The following MYOM1 variants were observed in gnomAD, a reference collection of about 807,000 sequenced individuals.
The protein encoded by MYOM1 is myomesin-1.
Under a neutral mutation model 205.3 loss-of-function variants are expected in MYOM1, and 164 were observed. The ratio of observed to expected loss-of-function variants is 0.80; its 90% CI spans 0.70 to 0.91. The LOEUF (loss-of-function observed/expected upper bound fraction) is 0.91. Ranked by LOEUF, MYOM1 falls within the 40% of genes least tolerant of loss-of-function variation. MYOM1 has a pLI of 0.00. For missense variants in MYOM1, 2,011 were observed against 2,127.3 expected (o/e 0.95, Z 1.08); for synonymous variants, 772 against 789.4 (o/e 0.98, Z 0.37).
rs367826664 is a variant in MYOM1 at position 3,206,875 on chromosome 18, G to A, written c.290+8059C>T. On this transcript the variant is annotated intron_variant, in intron 2 of 37. Coordinates refer to ENST00000356443, the MANE Select transcript of MYOM1 (RefSeq NM_003803.4). The stretch of plus-strand genomic sequence containing the variant: ...TCCTTGAAATTTACTGACAGGTAGC[G>A]TCATAATAAATATTATGATGTCAAA... 1.1e-4 allele frequency among the ~76,000 whole-genome samples: 16 copies of A among 152,174 alleles called. No homozygotes were observed. In the East Asian group the frequency reaches 1.5e-3, roughly 15 times the overall value.
chr18:3,195,063 T>C (rs1421931457), intron 2 of MYOM1, among the ~76,000 whole-genome samples: 2 of 152,148 alleles, frequency 1.3e-5, no homozygotes, highest in African/African-American at 4.8e-5. Flanking sequence ...CATTTCCTAA[T>C]CTTGGAAAAT....
intron 5 of MYOM1, among the ~76,000 whole-genome samples, chr18:3,187,015 C>T (rs2080826935): frequency 6.6e-6 from 1 of 152,030 alleles, no homozygotes; most frequent in African/African-American, 2.4e-5. Flanking sequence ...AAGAAAGGCA[C>T]ATTGAGGCCT....
chr18:3,123,455 C>T (rs946550316), intron 19 of MYOM1, among the ~76,000 whole-genome samples: 2 of 151,782 alleles, frequency 1.3e-5, no homozygotes, highest in Non-Finnish European at 1.5e-5. Flanking sequence ...TGTAGAGAAT[C>T]GTAAAACTTT....
chr18:3,183,942 A>G lies in MYOM1; in HGVS notation c.929+3538T>C, dbSNP rs372281371. Among the ~76,000 whole-genome samples the G allele has an allele frequency of 3.4e-5, 5 of 148,830 alleles. 1 individual carries two copies. Among genetic ancestry groups the G allele is most frequent in the African/African-American group, 1.2e-4 (5 of 40,022 alleles). ...TTTTTTTGAGACAGGGTCACACTCT[A>G]TTGCTCAGGCTGGAGTGCAGTAGTG... On this transcript the variant is annotated intron_variant, in intron 5 of 37. Transcript: ENST00000356443.
At chr18:3,094,078 G>T (rs919909676) in intron 26 of MYOM1, 92 bp downstream of exon 26, 2 of 1,327,252 alleles carry the variant, frequency 1.5e-6, no homozygotes, top group African/African-American at 1.5e-5. Context: ...ACCACCCAGC[G>T]GTTTTTATAA....
At chr18:3,139,411 C>T (rs973113854) in intron 14 of MYOM1, among the ~76,000 whole-genome samples, 1 of 152,136 alleles carries the variant, frequency 6.6e-6, no homozygotes, top group Non-Finnish European at 1.5e-5. Context: ...TTATCTGAGT[C>T]CCTTGCTATA....
In MYOM1 at chr18:3,151,682, A is replaced by C. The variant is rs2080223909; in HGVS notation, c.1843+12T>G. On this transcript the variant is annotated intron_variant, in intron 12 of 37. Transcript: ENST00000356443. The stretch of plus-strand genomic sequence containing the variant: ...GGTTTAGGGAAGGTCCTGAAAAATG[A>C]AAAGTGCTTACTTTTAAGTCTAGCT... 1 of 1,605,388 alleles carries C rather than the reference A, an allele frequency of 6.2e-7. No homozygotes were observed.
At chr18:3,145,241 C>T (rs773549085) in intron 13 of MYOM1, among the ~76,000 whole-genome samples, 2 of 150,698 alleles carry the variant, frequency 1.3e-5, no homozygotes, top group African/African-American at 4.9e-5. Flanking sequence ...ACCTGGGAGA[C>T]GGAGGTTGCA....
chr18:3,173,518 G>A (rs926555173), intron 8 of MYOM1, among the ~76,000 whole-genome samples: 3 of 151,682 alleles, frequency 2.0e-5, no homozygotes, highest in Admixed American at 2.0e-4. Flanking sequence ...TCAAGGAAGT[G>A]ATGCCCATCT....
intron 1 of MYOM1, among the ~76,000 whole-genome samples, chr18:3,215,549 G>T (rs900087531): frequency 5.3e-5 from 8 of 152,188 alleles, no homozygotes; most frequent in African/African-American, 1.4e-4. Context: ...GCTGCAGGGA[G>T]CTATGATTGA....
At chr18:3,195,413 C>G (rs2080981671) in intron 2 of MYOM1, among the ~76,000 whole-genome samples, 1 of 152,216 alleles carries the variant, frequency 6.6e-6, no homozygotes, top group Non-Finnish European at 1.5e-5. Context: ...TCCTGGGCAG[C>G]AGCAAAACGA....
chr18:3,086,694 TC>T (rs1465845837), intron 29 of MYOM1, among the ~76,000 whole-genome samples: 2 of 152,210 alleles, frequency 1.3e-5, no homozygotes, highest in African/African-American at 4.8e-5. Context: ...AATCTTCTCA[TC>T]ATATCATCTA....
chr18:3,238,906 A>T, the MYOM1 span, among the ~76,000 whole-genome samples: 1 of 152,068 alleles, frequency 6.6e-6, no homozygotes, highest in African/African-American at 2.4e-5. Flanking sequence ...ATCTTTCTCT[A>T]ACAGTCTTCT....
At chr18:3,136,125 G>GTC (rs10649666) in intron 14 of MYOM1, among the ~76,000 whole-genome samples, 73,225 of 151,604 alleles carry the variant, frequency 0.48, 18,272 homozygotes, top group East Asian at 0.72. Context: ...CTCTCCTTCT[G>GTC]TCTTGCCTGC....
chr18:3,149,334 G>T, intron 12 of MYOM1, 133 bp from the exon 13 acceptor site: 1 of 673,004 alleles, frequency 1.5e-6, no homozygotes, highest in Non-Finnish European at 2.5e-6. Flanking sequence ...GTTTTCCCAT[G>T]AATGGTATCA....
At chr18:3,106,368 T>A (rs943806547) in intron 22 of MYOM1, among the ~76,000 whole-genome samples, 1 of 152,222 alleles carries the variant, frequency 6.6e-6, no homozygotes, top group Non-Finnish European at 1.5e-5. Context: ...ATAAAAGATG[T>A]TATTTTTAGG....
At chr18:3,134,391 T>G (rs1159705132) in intron 16 of MYOM1, among the ~76,000 whole-genome samples, 1 of 147,610 alleles carries the variant, frequency 6.8e-6, no homozygotes, top group Non-Finnish European at 1.5e-5. Flanking sequence ...TTATTTAAAG[T>G]ATAATGTTTT....
intron 22 of MYOM1, 102 bp downstream of exon 22, chr18:3,112,196 C>T (rs1465775601): frequency 3.5e-6 from 3 of 861,974 alleles, no homozygotes; most frequent in Admixed American, 2.2e-5. Flanking sequence ...AGATAGCACA[C>T]ATTGATTGTT....
intron 31 of MYOM1, 69 bp downstream of exon 31, chr18:3,084,976 C>T: frequency 8.3e-7 from 1 of 1,201,782 alleles, no homozygotes; most frequent in Non-Finnish European, 1.2e-6. Flanking sequence ...TCAGCTCGGC[C>T]TCAATCATCA....
Sources: allele counts gnomAD v4.1 joint callset (sites outside exome capture counted in the v4.1 genomes callset), GRCh38; gene constraint gnomAD v4.1.1; transcripts MANE v1.5; gene names NCBI Gene and HGNC (gene_info 2026-07-23, HGNC 2026-07-21).